The following RBFOX2 variants were observed in gnomAD, a reference collection of about 807,000 sequenced individuals.
RBFOX2 encodes RNA binding protein fox-1 homolog 2.
A neutral mutation model predicts 49.1 loss-of-function variants in RBFOX2; 10 were observed. The observed-to-expected ratio is 0.20, with a 90% CI of 0.13 to 0.35. RBFOX2 has a LOEUF of 0.35. RBFOX2 is among the 10% of genes least tolerant of loss of function. The pLI is 1.00. For missense variants in RBFOX2, 323 were observed against 486.9 expected (o/e 0.66, Z 3.17); for synonymous variants, 183 against 187.4 (o/e 0.98, Z 0.19).
chr22:35,822,864 G>A (rs548939524), intron 1 of RBFOX2: 11 of 412,472 alleles, frequency 2.7e-5, no homozygotes, highest in East Asian at 1.5e-4. Flanking sequence ...TCACTCTGTC[G>A]CCCAGGCTGG....
exon 12 of RBFOX2, chr22:35,740,695 G>C (rs533300580): frequency 1.3e-5 from 2 of 152,494 alleles, no homozygotes; most frequent in African/African-American, 4.8e-5. Context: ...GTGCTTTCCA[G>C]TCTGTCCCTT....
chr22:35,778,463 G>T (rs1178350429), intron 3 of RBFOX2, among the ~76,000 whole-genome samples: 1 of 151,840 alleles, frequency 6.6e-6, no homozygotes, highest in African/African-American at 2.4e-5. Flanking sequence ...TTTTACACAA[G>T]CAAAGTATAT....
chr22:35,862,245 C>T (rs1024889113), intron 1 of RBFOX2, among the ~76,000 whole-genome samples: 4 of 152,026 alleles, frequency 2.6e-5, no homozygotes, highest in African/African-American at 7.2e-5. Context: ...CAAAACCTAA[C>T]AAATTAATTT....
intron 1 of RBFOX2, among the ~76,000 whole-genome samples, chr22:35,948,108 C>T (rs1769590645): frequency 6.6e-6 from 1 of 152,138 alleles, no homozygotes; most frequent in East Asian, 1.9e-4. Context: ...AAATTAGATA[C>T]ATTAGATACA....
upstream of RBFOX2, among the ~76,000 whole-genome samples, chr22:35,965,830 T>G (rs739102): frequency 0.081 from 12,260 of 152,216 alleles, 519 homozygotes; most frequent in African/African-American, 0.092. Flanking sequence ...GGGAAAGCTA[T>G]CTATCAGCTG....
intron 1 of RBFOX2, among the ~76,000 whole-genome samples, chr22:35,849,648 AGTAC>A (rs1351879067): frequency 6.6e-6 from 1 of 152,194 alleles, no homozygotes; most frequent in Non-Finnish European, 1.5e-5. Flanking sequence ...AGATAAGGAC[AGTAC>A]AAAAAGTGTC....
chr22:36,022,566 T>C (rs901337358), intron 1 of RBFOX2, among the ~76,000 whole-genome samples: 15 of 152,180 alleles, frequency 9.9e-5, no homozygotes, highest in African/African-American at 3.4e-4. Flanking sequence ...AAGCAACAAG[T>C]TTTACATGAC....
intron 1 of RBFOX2, among the ~76,000 whole-genome samples, chr22:35,831,762 C>T (rs1386408586): frequency 1.3e-5 from 2 of 152,174 alleles, no homozygotes; most frequent in African/African-American, 2.4e-5. Flanking sequence ...CTCTTCCAAA[C>T]TTCTTATGAG....
intron 1 of RBFOX2, among the ~76,000 whole-genome samples, chr22:35,852,625 G>A (rs2042072121): frequency 6.6e-6 from 1 of 152,036 alleles, no homozygotes; most frequent in Non-Finnish European, 1.5e-5. Context: ...ACAGCAGGAT[G>A]GGCCACATAT....
intron 1 of RBFOX2, among the ~76,000 whole-genome samples, chr22:36,016,931 A>G (rs1184470805): frequency 6.6e-6 from 1 of 152,178 alleles, no homozygotes; most frequent in Non-Finnish European, 1.5e-5. Context: ...TTATTCATTT[A>G]GAATAGAAAA....
chr22:35,745,896 T>A (rs757553194), intron 11 of RBFOX2, 27 bp downstream of exon 13: 1 of 1,588,044 alleles, frequency 6.3e-7, no homozygotes, highest in Non-Finnish European at 8.6e-7. Context: ...AATGGTTTTA[T>A]AAAGCAATGG....
intron 2 of RBFOX2, among the ~76,000 whole-genome samples, chr22:35,807,292 G>A (rs1321360787): frequency 1.3e-5 from 2 of 152,012 alleles, no homozygotes; most frequent in African/African-American, 4.8e-5. Flanking sequence ...GACAAAGAGG[G>A]ACATTTCATA....
chr22:35,890,257 T>A (rs541970784), intron 1 of RBFOX2, among the ~76,000 whole-genome samples: 1 of 152,286 alleles, frequency 6.6e-6, no homozygotes, highest in East Asian at 1.9e-4. Flanking sequence ...TACTCTAGCC[T>A]TGTACCATGC....
intron 2 of RBFOX2, among the ~76,000 whole-genome samples, chr22:35,805,500 G>A (rs532610730): frequency 5.7e-4 from 86 of 152,212 alleles, no homozygotes; most frequent in African/African-American, 2.0e-3. Flanking sequence ...ATGTGGAGCA[G>A]CAGGAACTCT....
At chr22:35,745,735 T>C (rs958203985) in intron 11 of RBFOX2, among the ~76,000 whole-genome samples, 188 bp downstream of exon 13, 2 of 152,230 alleles carry the variant, frequency 1.3e-5, no homozygotes, top group East Asian at 1.9e-4. Context: ...AACTAGGCCA[T>C]GTGGCTCACA....
At chr22:35,792,792 A>C (rs1041591632) in intron 2 of RBFOX2, among the ~76,000 whole-genome samples, 3 of 152,244 alleles carry the variant, frequency 2.0e-5, no homozygotes, top group Non-Finnish European at 4.4e-5. Context: ...AAACACTTTA[A>C]AATTTTCAGT....
chr22:35,809,539 G>A (rs1951425289), intron 2 of RBFOX2, among the ~76,000 whole-genome samples: 2 of 152,098 alleles, frequency 1.3e-5, no homozygotes, highest in Non-Finnish European at 2.9e-5. Flanking sequence ...GAACAGAGAA[G>A]GAGGCAGGAG....
intron 11 of RBFOX2, among the ~76,000 whole-genome samples, chr22:35,745,461 T>G (rs2145770984): frequency 6.6e-6 from 1 of 152,378 alleles, no homozygotes; most frequent in Non-Finnish European, 1.5e-5. Flanking sequence ...TAGGAATTTC[T>G]AGTACTATCT....
intron 1 of RBFOX2, among the ~76,000 whole-genome samples, chr22:36,018,650 G>A (rs2059133801): frequency 6.6e-6 from 1 of 152,148 alleles, no homozygotes; most frequent in South Asian, 2.1e-4. Context: ...GTCTCACTCT[G>A]TCATCCAGGC....
Sources: allele counts gnomAD v4.1 joint callset (sites outside exome capture counted in the v4.1 genomes callset), GRCh38; gene constraint gnomAD v4.1.1; transcripts MANE v1.5; gene names NCBI Gene and HGNC (gene_info 2026-07-23, HGNC 2026-07-21).